SRFBP1: variants seen among roughly 807,000 people sequenced by gnomAD.
SRFBP1 encodes serum response factor binding protein 1.
SRFBP1 carries 47 observed loss-of-function variants against 45.5 expected under a neutral mutation model. The observed-to-expected ratio is 1.03, with a 90% CI of 0.82 to 1.32. The LOEUF (loss-of-function observed/expected upper bound fraction) is 1.32. Among genes scored for constraint, SRFBP1 ranks in the 40% most tolerant of loss-of-function variants. SRFBP1 has a pLI of 0.00. For synonymous variants in SRFBP1, 203 were observed against 166.3 expected, an observed-to-expected ratio of 1.22 and a Z score of -1.70; for missense variants, 621 against 484.6, an observed-to-expected ratio of 1.28 and a Z score of -2.64.
intron 2 of SRFBP1, among the ~76,000 whole-genome samples, chr5:122,046,461 G>A (rs962722238): frequency 6.6e-5 from 10 of 152,158 alleles, no homozygotes; most frequent in African/African-American, 1.9e-4. Context: ...GGACATTTGG[G>A]TTGGTTCCAA....
intron 3 of SRFBP1, among the ~76,000 whole-genome samples, chr5:121,982,672 T>A (rs1470471386): frequency 5.3e-5 from 8 of 151,984 alleles, no homozygotes; most frequent in Non-Finnish European, 1.0e-4. Flanking sequence ...TACTATTTAC[T>A]GAGTCATAGT....
chr5:121,992,022 T>C (rs907950864), intron 3 of SRFBP1, among the ~76,000 whole-genome samples: 1 of 152,174 alleles, frequency 6.6e-6, no homozygotes, highest in Non-Finnish European at 1.5e-5. Flanking sequence ...TAATGAATTA[T>C]TTTATAATAC....
At chr5:122,017,219 G>C (rs1753209477) in intron 4 of SRFBP1, among the ~76,000 whole-genome samples, 1 of 152,134 alleles carries the variant, frequency 6.6e-6, no homozygotes, top group South Asian at 2.1e-4. Context: ...GACAGAGTGA[G>C]ACTCCCAACA....
Position 122,070,428 on chromosome 5 carries a change from G to C in SRFBP1, n.312-4887G>C, listed in dbSNP as rs1754415882. 4.7e-6 allele frequency: 4 copies of C among 846,274 alleles called. No individual in the cohort carries two copies. In the South Asian group the frequency reaches 6.2e-5, roughly 13 times the overall value. The allele number at this position is 846,274 out of a possible 1,614,324, so 52.4% of individuals were successfully genotyped here. On this transcript the variant is annotated intron_variant and non_coding_transcript_variant, in intron 2 of 2. Transcript: ENST00000504881. ...CCAATACCATGATTATTTAACATTTGAATCCAGAGAAGAGGGCCTATTGAT... is the reference window on the plus strand; with the variant it reads ...CCAATACCATGATTATTTAACATTTCAATCCAGAGAAGAGGGCCTATTGAT...
intron 2 of SRFBP1, among the ~76,000 whole-genome samples, chr5:122,058,366 T>C (rs1737108251): frequency 6.6e-6 from 1 of 152,200 alleles, no homozygotes; most frequent in Non-Finnish European, 1.5e-5. Flanking sequence ...ATAATTAGTT[T>C]TTTGGATTTA....
intron 2 of SRFBP1, among the ~76,000 whole-genome samples, chr5:122,072,293 CA>C (rs1376880204): frequency 6.6e-6 from 1 of 152,090 alleles, no homozygotes; most frequent in Non-Finnish European, 1.5e-5. Context: ...CACAAGCAAG[CA>C]AAAACGAGTT....
intron 2 of SRFBP1, among the ~76,000 whole-genome samples, chr5:122,054,349 G>T (rs546738301): frequency 5.3e-5 from 8 of 152,144 alleles, no homozygotes; most frequent in African/African-American, 1.2e-4. Context: ...TCCTGGCTCC[G>T]AGCTAAGCCC....
chr5:122,025,059 C>T (rs980701620), intron 7 of SRFBP1, among the ~76,000 whole-genome samples: 2 of 152,068 alleles, frequency 1.3e-5, no homozygotes, highest in African/African-American at 2.4e-5. Context: ...GTGCTGCACC[C>T]ATTAACTCGT....
At chr5:122,056,126 CCT>C (rs1300168584) in intron 2 of SRFBP1, among the ~76,000 whole-genome samples, 1 of 152,118 alleles carries the variant, frequency 6.6e-6, no homozygotes, top group Non-Finnish European at 1.5e-5. Flanking sequence ...GTCCATTCTC[CCT>C]CTCTCATTTG....
intron 4 of SRFBP1, among the ~76,000 whole-genome samples, chr5:121,998,506 G>T (rs1202747266): frequency 8.1e-6 from 1 of 123,892 alleles, no homozygotes; most frequent in Non-Finnish European, 1.6e-5. Flanking sequence ...CACACTCTGG[G>T]GACTGTGGTG....
At chr5:122,030,002 A>G (rs1376767889), downstream of SRFBP1, among the ~76,000 whole-genome samples, 2 of 152,190 alleles carry the variant, frequency 1.3e-5, no homozygotes, top group Non-Finnish European at 2.9e-5. Context: ...CAACCTTAGA[A>G]TACATACACA....
At chr5:122,070,208 T>C (rs575168179) in intron 2 of SRFBP1, 3 of 1,126,334 alleles carry the variant, frequency 2.7e-6, no homozygotes, top group South Asian at 1.2e-5. Context: ...TCTTTTTCCA[T>C]AGGGCTACAA....
At chr5:121,988,952 A>G (rs751994155) in intron 3 of SRFBP1, among the ~76,000 whole-genome samples, 1 of 152,192 alleles carries the variant, frequency 6.6e-6, no homozygotes, top group Non-Finnish European at 1.5e-5. Flanking sequence ...TATATTCTGC[A>G]TTCGAAATTG....
intron 1 of SRFBP1, among the ~76,000 whole-genome samples, chr5:121,965,265 A>G (rs1752039012): frequency 6.6e-6 from 1 of 152,128 alleles, no homozygotes; most frequent in Admixed American, 6.5e-5. Context: ...GTCTTTGTCC[A>G]TGCCTCAGTC....
At chr5:122,032,060 C>T (rs575612208), downstream of SRFBP1, among the ~76,000 whole-genome samples, 2 of 152,236 alleles carry the variant, frequency 1.3e-5, no homozygotes, top group South Asian at 2.1e-4. Context: ...GCTGATTATA[C>T]GACCTTGTGA....
At chr5:122,072,335 A>G (rs929631830) in intron 2 of SRFBP1, among the ~76,000 whole-genome samples, 4 of 152,248 alleles carry the variant, frequency 2.6e-5, no homozygotes, top group African/African-American at 9.6e-5. Flanking sequence ...CATGTAGGCA[A>G]AGTCAAAATA....
At chr5:122,070,605 T>TA (rs760958402) in intron 2 of SRFBP1, 1 of 1,386,114 alleles carries the variant, frequency 7.2e-7, no homozygotes, top group Non-Finnish European at 1.0e-6. Context: ...ATAAACAAAA[T>TA]AAAAAATTTA....
downstream of SRFBP1, among the ~76,000 whole-genome samples, chr5:122,032,812 T>A (rs1437796812): frequency 1.3e-5 from 2 of 152,258 alleles, no homozygotes; most frequent in Admixed American, 1.3e-4. Context: ...GGGAATGTTG[T>A]GTCAGAATGT....
chr5:122,039,137 C>T (rs1434770044), intron 2 of SRFBP1, among the ~76,000 whole-genome samples: 1 of 152,168 alleles, frequency 6.6e-6, no homozygotes, highest in Non-Finnish European at 1.5e-5. Context: ...AACGGTGTGT[C>T]CTCTGTATCT....
Sources: gnomAD v4.1 joint callset for allele counts (sites outside exome capture counted in the v4.1 genomes callset) on GRCh38, gnomAD v4.1.1 for gene constraint, MANE v1.5 for transcripts, NCBI Gene and HGNC (gene_info 2026-07-23, HGNC 2026-07-21) for gene names.